Variants in SLC9C2 observed in about 807,000 individuals in gnomAD.
SLC9C2 encodes solute carrier family 9 member C2 (putative).
SLC9C2 carries 75 observed loss-of-function variants against 140.2 expected under a neutral mutation model. That is an observed-to-expected ratio of 0.53 (90% CI 0.44 to 0.65). SLC9C2 has a LOEUF of 0.65. Among genes scored for constraint, SLC9C2 ranks in the 30% least tolerant of loss-of-function variants. The pLI, the probability that SLC9C2 is intolerant of heterozygous loss-of-function variation, is 0.00. For synonymous variants in SLC9C2, 375 were observed against 420.9 expected (o/e 0.89, Z 1.34); for missense variants, 1,074 against 1,331.8 (o/e 0.81, Z 3.01).
chr1:173,536,029 A>G (rs1308841612), intron 14 of SLC9C2, 80 bp from the exon 15 acceptor site: 3 of 1,268,556 alleles, frequency 2.4e-6, no homozygotes, highest in African/African-American at 3.3e-5. Context: ...GGGAAGGTGT[A>G]CTAAGTATAA....
At chr1:173,519,768 G>A (rs1008858916) in intron 22 of SLC9C2, among the ~76,000 whole-genome samples, 3 of 152,148 alleles carry the variant, frequency 2.0e-5, no homozygotes, top group African/African-American at 7.2e-5. Context: ...AGACTACATG[G>A]GTTCAAAGTA....
At chr1:173,587,921 G>T in intron 4 of SLC9C2, 91 bp from the exon 5 acceptor site, 2 of 1,009,914 alleles carry the variant, frequency 2.0e-6, no homozygotes, top group Non-Finnish European at 2.8e-6. Context: ...GATCTTGGTT[G>T]TAAATGTTAT....
At chr1:173,557,254 T>C (rs1663771762) in intron 10 of SLC9C2, 86 bp downstream of exon 10, 4 of 1,295,522 alleles carry the variant, frequency 3.1e-6, no homozygotes, top group Admixed American at 4.4e-5. Context: ...CAAAGCTGGT[T>C]AACTTTATTA....
chr1:173,519,792 G>C (rs1660673905), intron 22 of SLC9C2, among the ~76,000 whole-genome samples: 1 of 152,162 alleles, frequency 6.6e-6, no homozygotes, highest in Non-Finnish European at 1.5e-5. Flanking sequence ...TTTGGCCTCT[G>C]AGTATGTGTA....
At chr1:173,600,034 C>G in intron 3 of SLC9C2, 83 bp downstream of exon 3, 5 of 834,300 alleles carry the variant, frequency 6.0e-6, no homozygotes, top group South Asian at 2.5e-5. Context: ...AAAAAACATT[C>G]CATGCATTCA....
chr1:173,593,247 C>T (rs1160290423), intron 4 of SLC9C2, among the ~76,000 whole-genome samples: 4 of 152,080 alleles, frequency 2.6e-5, no homozygotes, highest in South Asian at 2.1e-4. Context: ...CTTGGCCTGG[C>T]GCGGTGGCTT....
intron 13 of SLC9C2, among the ~76,000 whole-genome samples, chr1:173,542,696 C>A (rs1662523715): frequency 6.6e-6 from 1 of 151,948 alleles, no homozygotes. Flanking sequence ...AATGCAAGGC[C>A]AGTTCAACAT....
intron 9 of SLC9C2, among the ~76,000 whole-genome samples, chr1:173,572,275 C>T (rs1310852238): frequency 1.3e-5 from 2 of 152,216 alleles, no homozygotes. Flanking sequence ...ACTGATTTCA[C>T]AGCTGCATGG....
rs1235068516 is a variant in SLC9C2, at chr1:173,521,331, T to A, written c.2709A>T (p.Gly903=). 6.5e-7 allele frequency: 1 copy of A among 1,547,648 alleles called. No homozygotes were observed. Among genetic ancestry groups the A allele is most frequent in the Non-Finnish European group, 8.7e-7 (1 of 1,154,920 alleles). ...TICKGGEMPQ[G]IYLIISGMAI... ...CCATTCCTGAAATAATTAAGTAGAT[T>A]CCTTGTGGCATTTCACCTCCTTTAC... The change falls in exon 22 of 28, where the codon GGA becomes GGT. Residue 903 remains glycine (G), a synonymous_variant. Transcript: ENST00000367714.
At chr1:173,513,862 T>C (rs145495009) in intron 23 of SLC9C2, among the ~76,000 whole-genome samples, 7,218 of 152,244 alleles carry the variant, frequency 0.047, 587 homozygotes, top group African/African-American at 0.17. Context: ...CTCTTTGTTC[T>C]CATTGGTTTC....
At chr1:173,505,454 G>T in intron 25 of SLC9C2, 123 bp from the exon 26 acceptor site, 1 of 677,370 alleles carries the variant, frequency 1.5e-6, no homozygotes. Context: ...TTCAATCTTG[G>T]CTCTATATTC....
intron 9 of SLC9C2, among the ~76,000 whole-genome samples, chr1:173,559,853 G>A (rs1663976458): frequency 2.0e-5 from 3 of 152,096 alleles, no homozygotes; most frequent in African/African-American, 2.4e-5. Context: ...GGTATAGGTG[G>A]GGATATGATA....
In SLC9C2 at chr1:173,587,751, G is replaced by A. The variant is rs768879119; in HGVS notation, c.437C>T (p.Ser146Leu). ...GAGTAGGCAAGATTGCAAATCCCAT[G>A]AATCTTTATTGAATTTTATAACGAC... is the stretch of plus-strand genomic sequence containing the variant. ...GYVVIKFNKD[S>L]WDLQSCLLFS... Residue 146 changes from serine (S) to leucine (L), a missense_variant, in exon 5 of 28, where the codon TCA becomes TTA. Physicochemically the swap from Ser to Leu is moderately radical, Grantham distance 145. Coordinates refer to ENST00000367714, the MANE Select transcript of SLC9C2 (RefSeq NM_178527.4). 4 of 1,613,102 alleles carry A rather than the reference G, an allele frequency of 2.5e-6. No individual in the cohort carries two copies. The South Asian group carries it at 4.4e-5, about 18-fold the overall frequency.
At chr1:173,546,674 G>A (rs1364543120) in intron 13 of SLC9C2, among the ~76,000 whole-genome samples, 1 of 152,122 alleles carries the variant, frequency 6.6e-6, no homozygotes, top group Non-Finnish European at 1.5e-5. Context: ...ACAGAGATTT[G>A]AAGGACATAT....
chr1:173,598,141 C>T lies in SLC9C2; in HGVS notation c.229-109G>A, dbSNP rs940870120. ...AATTTTAGAATCTTTCAGTTTACAGCTAACGAGAGAGTATCTACAAGGGCA... is the reference window on the plus strand; with the variant it reads ...AATTTTAGAATCTTTCAGTTTACAGTTAACGAGAGAGTATCTACAAGGGCA... On this transcript the variant is annotated intron_variant, in intron 3 of 27. Transcript: ENST00000367714. 1.7e-6 allele frequency: 2 copies of T among 1,210,472 alleles called. 1 individual carries two copies. Among genetic ancestry groups the T allele is most frequent in the South Asian group, 2.8e-5 (2 of 72,310 alleles). 75.0% of individuals were successfully genotyped at this position (1,210,472 alleles called of 1,614,324 possible).
At chr1:173,582,190 C>G (rs1665582869) in intron 6 of SLC9C2, among the ~76,000 whole-genome samples, 182 bp from the exon 7 acceptor site, 1 of 152,120 alleles carries the variant, frequency 6.6e-6, no homozygotes, top group Non-Finnish European at 1.5e-5. Context: ...TCAGAATAAC[C>G]TTCCCTTACA....
chr1:173,571,179 C>T (rs1051599009), intron 9 of SLC9C2, among the ~76,000 whole-genome samples: 5 of 152,184 alleles, frequency 3.3e-5, no homozygotes, highest in African/African-American at 7.2e-5. Flanking sequence ...TGACTTTATT[C>T]CCCTTCACAA....
chr1:173,542,967 C>G (rs1662553213), intron 13 of SLC9C2, among the ~76,000 whole-genome samples: 1 of 152,210 alleles, frequency 6.6e-6, no homozygotes, highest in Non-Finnish European at 1.5e-5. Flanking sequence ...GATGCCCTCT[C>G]TCACCACTCC....
At chr1:173,582,088 T>C in intron 6 of SLC9C2, 80 bp from the exon 7 acceptor site, 1 of 1,174,192 alleles carries the variant, frequency 8.5e-7, no homozygotes. Context: ...ATTTGGGTCT[T>C]TGCACTTTGG....
Sources: allele counts gnomAD v4.1 joint callset (sites outside exome capture counted in the v4.1 genomes callset), GRCh38; gene constraint gnomAD v4.1.1; transcripts MANE v1.5; gene names NCBI Gene and HGNC (gene_info 2026-07-23, HGNC 2026-07-21).